RANBP2: variants seen among roughly 807,000 people sequenced by gnomAD.
RANBP2 encodes the protein E3 SUMO-protein ligase RanBP2.
In RANBP2, 57 loss-of-function variants were observed where a neutral mutation model predicts 303.6. The ratio of observed to expected loss-of-function variants is 0.19; its 90% CI spans 0.15 to 0.23. The LOEUF is 0.23. RANBP2 is among the 10% of genes least tolerant of loss of function. The pLI, the probability that RANBP2 is intolerant of heterozygous loss-of-function variation, is 1.00. For missense variants in RANBP2, 3,138 were observed against 3,780.8 expected (o/e 0.83, Z 4.46); for synonymous variants, 1,167 against 1,301.5 (o/e 0.90, Z 2.23).
chr2:109,372,630 A>G, the RANBP2 span, among the ~76,000 whole-genome samples: 7 of 152,388 alleles, frequency 4.6e-5, no homozygotes, highest in Admixed American at 1.3e-4. Context: ...TCAAGGTCCC[A>G]CAGCCGAGGA....
chr2:109,614,310 G>A, the RANBP2 span: 3 of 605,958 alleles, frequency 5.0e-6, no homozygotes, highest in Non-Finnish European at 7.0e-6. Context: ...GGGTGCGGGG[G>A]GCGTGTCCGC....
At chr2:109,174,015 C>T in the RANBP2 span, among the ~76,000 whole-genome samples, 1 of 152,202 alleles carries the variant, frequency 6.6e-6, no homozygotes, top group Non-Finnish European at 1.5e-5. Context: ...TGGGCTCAGT[C>T]CTTGATTCAG....
chr2:109,230,727 T>G, the RANBP2 span, among the ~76,000 whole-genome samples: 9 of 152,348 alleles, frequency 5.9e-5, no homozygotes, highest in East Asian at 1.5e-3. Flanking sequence ...TTAAGTACAT[T>G]TTTTAACTTA....
chr2:109,581,528 G>GAA, the RANBP2 span, among the ~76,000 whole-genome samples: 69 of 145,692 alleles, frequency 4.7e-4, no homozygotes, highest in East Asian at 2.8e-3. Context: ...AAAGGTCTGG[G>GAA]AAAAAAAAAA....
At chr2:108,850,627 A>G in the RANBP2 span, among the ~76,000 whole-genome samples, 1 of 151,626 alleles carries the variant, frequency 6.6e-6, no homozygotes, top group Non-Finnish European at 1.5e-5. Flanking sequence ...AATTTTTTCT[A>G]TCTTTAGTAG....
chr2:108,755,713 C>T (rs1178285091), intron 17 of RANBP2, among the ~76,000 whole-genome samples: 1 of 151,718 alleles, frequency 6.6e-6, no homozygotes, highest in Non-Finnish European at 1.5e-5. Flanking sequence ...GGTCTTGACC[C>T]TTTACCATAT....
At chr2:109,735,420 A>T in the RANBP2 span, among the ~76,000 whole-genome samples, 1 of 152,296 alleles carries the variant, frequency 6.6e-6, no homozygotes, top group South Asian at 2.1e-4. Flanking sequence ...GTGAGCACTT[A>T]GGTTGATATC....
At chr2:109,513,548 C>T in the RANBP2 span, among the ~76,000 whole-genome samples, 1 of 151,690 alleles carries the variant, frequency 6.6e-6, no homozygotes, top group Admixed American at 6.6e-5. Context: ...TGCACATACA[C>T]ACACACTGCA....
chr2:109,091,050 A>C, the RANBP2 span, among the ~76,000 whole-genome samples: 3 of 152,070 alleles, frequency 2.0e-5, no homozygotes, highest in Non-Finnish European at 4.4e-5. Flanking sequence ...ATATTGTGAG[A>C]CCCTGATCTC....
the RANBP2 span, among the ~76,000 whole-genome samples, chr2:109,631,949 A>C: frequency 1.3e-5 from 2 of 151,922 alleles, no homozygotes; most frequent in Middle Eastern, 3.4e-3. Flanking sequence ...TTACCAAAAG[A>C]CCCGCCCAGC....
chr2:109,036,502 G>T, the RANBP2 span, among the ~76,000 whole-genome samples: 1 of 152,042 alleles, frequency 6.6e-6, no homozygotes, highest in Non-Finnish European at 1.5e-5. Flanking sequence ...GATGAAGTGG[G>T]ATTTATTCCA....
chr2:108,809,559 A>G, the RANBP2 span, among the ~76,000 whole-genome samples: 1 of 151,548 alleles, frequency 6.6e-6, no homozygotes, highest in Non-Finnish European at 1.5e-5. Context: ...GGTTAAATTT[A>G]TTCCCAGCTA....
the RANBP2 span, among the ~76,000 whole-genome samples, chr2:108,803,738 A>G: frequency 6.6e-6 from 1 of 152,152 alleles, no homozygotes; most frequent in African/African-American, 2.4e-5. Flanking sequence ...TCCCATCACA[A>G]TGTCCTCCCC....
At chr2:109,555,508 C>T in the RANBP2 span, among the ~76,000 whole-genome samples, 1 of 152,174 alleles carries the variant, frequency 6.6e-6, no homozygotes, top group African/African-American at 2.4e-5. Flanking sequence ...TCATGATCAA[C>T]TCAGTATACC....
chr2:109,505,209 C>T, the RANBP2 span, among the ~76,000 whole-genome samples: 1 of 152,144 alleles, frequency 6.6e-6, no homozygotes, highest in Non-Finnish European at 1.5e-5. Context: ...GCATCTGTCT[C>T]CAATCAGCCA....
the RANBP2 span, among the ~76,000 whole-genome samples, chr2:109,367,119 AT>A: frequency 0.22 from 25,435 of 113,148 alleles, 2,703 homozygotes; most frequent in East Asian, 0.54. Flanking sequence ...TGCCCTGGTA[AT>A]TTTTTTTTTT....
At chr2:108,928,133 G>A in the RANBP2 span, among the ~76,000 whole-genome samples, 7,634 of 152,160 alleles carry the variant, frequency 0.05, 226 homozygotes, top group African/African-American at 0.084. Flanking sequence ...CTGCCCTCCT[G>A]CCCAGCTTGT....
the RANBP2 span, among the ~76,000 whole-genome samples, chr2:108,810,130 T>C: frequency 6.6e-6 from 1 of 152,168 alleles, no homozygotes; most frequent in Admixed American, 6.5e-5. Context: ...TGGATGTCTT[T>C]TATTTCTTTT....
the RANBP2 span, among the ~76,000 whole-genome samples, chr2:108,927,598 G>A: frequency 1.3e-5 from 2 of 152,108 alleles, no homozygotes; most frequent in Non-Finnish European, 1.5e-5. Flanking sequence ...GAGGTTCCGT[G>A]GTGCACCCAC....
Sources: allele counts gnomAD v4.1 joint callset (sites outside exome capture counted in the v4.1 genomes callset), GRCh38; gene constraint gnomAD v4.1.1; transcripts MANE v1.5; gene names NCBI Gene and HGNC (gene_info 2026-07-23, HGNC 2026-07-21).